PIK3C2A: variants seen among roughly 807,000 people sequenced by gnomAD.
PIK3C2A encodes the protein phosphatidylinositol 4-phosphate 3-kinase C2 domain-containing subunit alpha.
A neutral mutation model predicts 204.5 loss-of-function variants in PIK3C2A; 97 were observed. The observed-to-expected ratio is 0.47, with a 90% CI of 0.40 to 0.56. PIK3C2A has a LOEUF of 0.56. Among genes scored for constraint, PIK3C2A ranks in the 20% least tolerant of loss-of-function variants. The pLI, the probability that PIK3C2A is intolerant of heterozygous loss-of-function variation, is 0.00. For missense variants in PIK3C2A, 1,735 were observed against 1,969.2 expected, an observed-to-expected ratio of 0.88 and a Z score of 2.25; for synonymous variants, 653 against 664.4, an observed-to-expected ratio of 0.98 and a Z score of 0.26.
intron 22 of PIK3C2A, among the ~76,000 whole-genome samples, chr11:17,108,572 C>T (rs1848903832): frequency 6.6e-6 from 1 of 152,136 alleles, no homozygotes; most frequent in Non-Finnish European, 1.5e-5. Context: ...GCTATGATCA[C>T]ACCACTGCAC....
At chr11:17,096,001 G>A (rs912588517) in intron 27 of PIK3C2A, among the ~76,000 whole-genome samples, 1 of 151,482 alleles carries the variant, frequency 6.6e-6, no homozygotes. Context: ...AAAGGTTTAT[G>A]GGGGGTAGTG....
chr11:17,133,851 C>A lies in PIK3C2A; in HGVS notation c.2108+968G>T, dbSNP rs775047392. Among the ~76,000 whole-genome samples the A allele has an allele frequency of 9.2e-5, 14 of 151,954 alleles. 1 individual carries two copies. Among genetic ancestry groups the A allele is most frequent in the South Asian group, 4.2e-4 (2 of 4,816 alleles). ...GCTGAGGCACAAGAATTGCTTGAAC[C>A]CTGGAATCAGAGGTTGCAGTGAGCC... On this transcript the variant is annotated intron_variant, in intron 11 of 32. Transcript: ENST00000691414.
At chr11:17,164,991 C>T (rs954977918) in intron 2 of PIK3C2A, among the ~76,000 whole-genome samples, 3 of 152,044 alleles carry the variant, frequency 2.0e-5, no homozygotes, top group Admixed American at 2.0e-4. Flanking sequence ...GGGTGTCACA[C>T]CCCTGCCCCA....
In PIK3C2A at chr11:17,178,105, A is replaced by AAAAG. The variant is rs1555034912; in HGVS notation, c.-65-8300_-65-8299insCTTT. Among the ~76,000 whole-genome samples, 22 of 96,024 alleles carry AAAAG rather than the reference A, an allele frequency of 2.3e-4. No homozygotes were observed. The East Asian group carries it at 0.012, about 52-fold the overall frequency. 63.0% of individuals were successfully genotyped at this position (96,024 alleles called of 152,430 possible). On this transcript the variant is annotated intron_variant, in intron 1 of 32. Transcript: ENST00000691414. ...GAGACTCCATCTCAAAAAAAAAAAA[A>AAAAG]AAAAAAAGAAAAAAAAAATTGCATG...
At chr11:17,122,167 A>C (rs762910127) in intron 15 of PIK3C2A, 21 bp downstream of exon 15, 2 of 1,538,578 alleles carry the variant, frequency 1.3e-6, no homozygotes, top group Non-Finnish European at 1.8e-6. Flanking sequence ...CTTAGCCCAA[A>C]ACAGAATAAA....
chr11:17,118,683 C>T lies in PIK3C2A; in HGVS notation c.2997G>A (p.Arg999=), dbSNP rs1173059842. ...NSSLVQFLLS[R]ALGNIQIAHN... is the part of the protein sequence containing the mutation. The stretch of plus-strand genomic sequence containing the variant: ...GTGCTATCTGGATATTTCCCAATGC[C>T]CTGGACAAAAGGAATTGCACTAATG... Residue 999 remains arginine (R), a synonymous_variant, in exon 18 of 33, where the codon AGG becomes AGA. Transcript: ENST00000691414. 1 of 1,561,594 alleles carries T rather than the reference C, an allele frequency of 6.4e-7. No homozygotes were observed. The highest frequency in any genetic ancestry group is 1.7e-5 in the Admixed American group (1 of 59,094).
intron 13 of PIK3C2A, among the ~76,000 whole-genome samples, chr11:17,127,146 G>A (rs974215947): frequency 2.6e-5 from 4 of 152,070 alleles, no homozygotes; most frequent in Non-Finnish European, 5.9e-5. Context: ...ACCATTAACA[G>A]TAATCCCTTC....
chr11:17,170,485 A>C (rs1851121324), intron 1 of PIK3C2A, among the ~76,000 whole-genome samples: 1 of 152,202 alleles, frequency 6.6e-6, no homozygotes. Flanking sequence ...ATATAGTTTT[A>C]ATTACATTTC....
chr11:17,141,843 T>G (rs886440252), intron 8 of PIK3C2A, among the ~76,000 whole-genome samples: 1 of 152,230 alleles, frequency 6.6e-6, no homozygotes, highest in Non-Finnish European at 1.5e-5. Context: ...GCTCACATTC[T>G]AAATGTATTT....
intron 28 of PIK3C2A, among the ~76,000 whole-genome samples, chr11:17,092,596 T>G (rs913484577): frequency 6.6e-6 from 1 of 152,140 alleles, no homozygotes; most frequent in Admixed American, 6.5e-5. Context: ...CACTTGAACC[T>G]GGGAAGCGGA....
At chr11:17,190,441 C>A (rs970917864) in intron 1 of PIK3C2A, among the ~76,000 whole-genome samples, 1 of 151,036 alleles carries the variant, frequency 6.6e-6, no homozygotes, top group Admixed American at 6.6e-5. Flanking sequence ...CGTGGTGGTG[C>A]GCACCTGTAA....
intron 2 of PIK3C2A, among the ~76,000 whole-genome samples, chr11:17,156,785 T>A (rs1295164229): frequency 6.6e-6 from 1 of 152,146 alleles, no homozygotes; most frequent in African/African-American, 2.4e-5. Context: ...CTTCGAGTGC[T>A]ACAAAACCAC....
intron 25 of PIK3C2A, among the ~76,000 whole-genome samples, chr11:17,100,378 G>A (rs961267665): frequency 1.3e-5 from 2 of 151,424 alleles, no homozygotes; most frequent in Admixed American, 6.6e-5. Flanking sequence ...TATGCCTGGC[G>A]AACTTTTTTT....
At chr11:17,203,221 AG>A (rs1852448525) in intron 1 of PIK3C2A, among the ~76,000 whole-genome samples, 1 of 152,110 alleles carries the variant, frequency 6.6e-6, no homozygotes, top group South Asian at 2.1e-4. Flanking sequence ...GGCCGAGTGC[AG>A]TGGCTCATGC....
intron 12 of PIK3C2A, among the ~76,000 whole-genome samples, chr11:17,130,772 A>T (rs1010699420): frequency 6.7e-6 from 1 of 149,454 alleles, no homozygotes; most frequent in African/African-American, 2.5e-5. Flanking sequence ...GCACCACTGC[A>T]CTCCAGCCTG....
intron 1 of PIK3C2A, among the ~76,000 whole-genome samples, chr11:17,203,333 A>G (rs758828248): frequency 6.0e-5 from 9 of 149,050 alleles, no homozygotes; most frequent in Non-Finnish European, 1.0e-4. Context: ...TCTCTATTAG[A>G]AAAAAAAAAG....
chr11:17,168,575 C>T (rs771936144), intron 2 of PIK3C2A, 102 bp downstream of exon 2: 33 of 876,342 alleles, frequency 3.8e-5, no homozygotes, highest in Non-Finnish European at 5.5e-5. Flanking sequence ...AGCGAGACTC[C>T]TTCTTAAAAA....
At chr11:17,172,892 G>A (rs914099295) in intron 1 of PIK3C2A, among the ~76,000 whole-genome samples, 3 of 152,134 alleles carry the variant, frequency 2.0e-5, no homozygotes, top group African/African-American at 7.2e-5. Flanking sequence ...TCTCCATATT[G>A]AAGGGGGGGA....
chr11:17,183,438 G>T (rs1851635996), intron 1 of PIK3C2A, among the ~76,000 whole-genome samples: 1 of 152,078 alleles, frequency 6.6e-6, no homozygotes, highest in Non-Finnish European at 1.5e-5. Flanking sequence ...AACTTTGGGA[G>T]GCCAAGGTGG....
Sources: allele counts gnomAD v4.1 joint callset (sites outside exome capture counted in the v4.1 genomes callset), GRCh38; gene constraint gnomAD v4.1.1; transcripts MANE v1.5; gene names NCBI Gene and HGNC (gene_info 2026-07-23, HGNC 2026-07-21).